Variants in GALNT13 observed in about 807,000 individuals in gnomAD.
GALNT13 encodes the protein polypeptide N-acetylgalactosaminyltransferase 13, also known as UDP-GalNAc:polypeptide N-acetylgalactosaminyltransferase 13.
GALNT13 carries 28 observed loss-of-function variants against 64.2 expected under a neutral mutation model. The observed-to-expected ratio is 0.44, with a 90% CI of 0.32 to 0.60. The LOEUF is 0.60. Ranked by LOEUF, GALNT13 falls within the 20% of genes least tolerant of loss-of-function variation. The pLI, the probability that GALNT13 is intolerant of heterozygous loss-of-function variation, is 0.05. For synonymous variants in GALNT13, 214 were observed against 224.6 expected, an observed-to-expected ratio of 0.95 and a Z score of 0.42; for missense variants, 577 against 669.8, an observed-to-expected ratio of 0.86 and a Z score of 1.53.
At chr2:153,718,229 G>A in the GALNT13 span, among the ~76,000 whole-genome samples, 2,741 of 152,022 alleles carry the variant, frequency 0.018, 45 homozygotes, top group Non-Finnish European at 0.029. Flanking sequence ...TAAGAGAGAC[G>A]AAACTGTTTG....
In GALNT13 at chr2:154,242,144, C is replaced by T; in HGVS notation, c.426C>T (p.Ser142=). 3.7e-6 allele frequency: 6 copies of T among 1,612,716 alleles called. No individual in the cohort carries two copies. In the South Asian group the frequency reaches 6.6e-5, roughly 18 times the overall value. Residue 142 remains serine (S), a synonymous_variant, in exon 5 of 13, where the codon TCC becomes TCT. Transcript: ENST00000392825. ...CTGTTTACAGTGTGATAAATCGTTC[C>T]CCACACTATCTACTCTCAGAGGTCA... ...LRTVYSVINR[S]PHYLLSEVIL...
intron 3 of GALNT13, among the ~76,000 whole-genome samples, chr2:154,035,824 A>G (rs1282431027): frequency 2.0e-5 from 3 of 152,022 alleles, no homozygotes; most frequent in Non-Finnish European, 4.4e-5. Flanking sequence ...GGGTTGTAGC[A>G]TTGTTATATT....
intron 8 of GALNT13, chr2:154,287,439 CT>C: frequency 4.8e-6 from 2 of 420,738 alleles, no homozygotes; most frequent in South Asian, 2.2e-5. Context: ...CCCACCCTGC[CT>C]TCACCTCTGA....
the GALNT13 span, among the ~76,000 whole-genome samples, chr2:153,729,755 G>A: frequency 6.6e-6 from 1 of 152,098 alleles, no homozygotes; most frequent in African/African-American, 2.4e-5. Flanking sequence ...AAGATAACTA[G>A]ATGTGATAAA....
chr2:153,566,695 A>T, the GALNT13 span, among the ~76,000 whole-genome samples: 3 of 152,146 alleles, frequency 2.0e-5, no homozygotes, highest in Admixed American at 6.5e-5. Context: ...AGGTTAAGTC[A>T]CTCATTCAAA....
At chr2:153,821,018 G>A in the GALNT13 span, among the ~76,000 whole-genome samples, 1 of 148,028 alleles carries the variant, frequency 6.8e-6, no homozygotes, top group African/African-American at 2.5e-5. Flanking sequence ...GTTGGAGAAA[G>A]ATATATCATG....
intron 3 of GALNT13, among the ~76,000 whole-genome samples, chr2:153,996,645 CTGTT>C (rs1195949495): frequency 1.3e-5 from 2 of 152,026 alleles, no homozygotes; most frequent in African/African-American, 4.8e-5. Flanking sequence ...AGTATGTTGA[CTGTT>C]TGCTTTGCAG....
the GALNT13 span, among the ~76,000 whole-genome samples, chr2:153,296,774 A>G: frequency 6.6e-6 from 1 of 152,090 alleles, no homozygotes; most frequent in South Asian, 2.1e-4. Context: ...TTGTAAAAAT[A>G]CTGAGCAAAA....
At chr2:153,250,468 T>G in the GALNT13 span, among the ~76,000 whole-genome samples, 1 of 152,230 alleles carries the variant, frequency 6.6e-6, no homozygotes, top group Non-Finnish European at 1.5e-5. Context: ...TGGAAGACAG[T>G]ATGGTGATTC....
chr2:154,246,011 T>G (rs1334143856), intron 7 of GALNT13, 29 bp downstream of exon 7: 9 of 1,484,890 alleles, frequency 6.1e-6, no homozygotes, highest in Non-Finnish European at 7.4e-6. Context: ...TTGAAGATTA[T>G]GTATATCCCC....
chr2:153,464,776 C>T, the GALNT13 span, among the ~76,000 whole-genome samples: 1 of 151,982 alleles, frequency 6.6e-6, no homozygotes, highest in African/African-American at 2.4e-5. Flanking sequence ...CTTAGGATTC[C>T]ATGGTCTTGT....
At chr2:154,151,628 T>C (rs1467732920) in intron 4 of GALNT13, among the ~76,000 whole-genome samples, 7 of 152,220 alleles carry the variant, frequency 4.6e-5, no homozygotes, top group African/African-American at 1.4e-4. Flanking sequence ...ATTGGGTGCA[T>C]ATATATTTAG....
chr2:153,387,854 A>T, the GALNT13 span, among the ~76,000 whole-genome samples: 1 of 152,130 alleles, frequency 6.6e-6, no homozygotes, highest in African/African-American at 2.4e-5. Flanking sequence ...TCATGTGTTG[A>T]TAGCAGTGTC....
At chr2:153,137,589 A>G in the GALNT13 span, among the ~76,000 whole-genome samples, 1 of 152,088 alleles carries the variant, frequency 6.6e-6, no homozygotes, top group Non-Finnish European at 1.5e-5. Flanking sequence ...AGCCTATTGT[A>G]CCTGGATAAA....
At chr2:153,141,316 T>G in the GALNT13 span, among the ~76,000 whole-genome samples, 1 of 152,022 alleles carries the variant, frequency 6.6e-6, no homozygotes, top group African/African-American at 2.4e-5. Context: ...CAGCCACCAC[T>G]GGCCTTCTCA....
intron 4 of GALNT13, among the ~76,000 whole-genome samples, chr2:154,153,090 G>A (rs915232025): frequency 1.3e-5 from 2 of 152,172 alleles, no homozygotes; most frequent in South Asian, 4.1e-4. Context: ...TGATGATGGT[G>A]ACGTACAGAT....
intron 3 of GALNT13, among the ~76,000 whole-genome samples, chr2:154,031,527 G>C (rs528524864): frequency 1.3e-5 from 2 of 151,868 alleles, no homozygotes; most frequent in African/African-American, 4.8e-5. Flanking sequence ...CACTTAATGT[G>C]TATGGATATA....
the GALNT13 span, among the ~76,000 whole-genome samples, chr2:153,760,457 A>T: frequency 6.6e-6 from 1 of 151,906 alleles, no homozygotes; most frequent in African/African-American, 2.4e-5. Flanking sequence ...GTTTGTCTTA[A>T]GTTTTTAAAA....
chr2:153,792,973 T>TC, the GALNT13 span, among the ~76,000 whole-genome samples: 134 of 121,830 alleles, frequency 1.1e-3, no homozygotes, highest in South Asian at 4.3e-3. Flanking sequence ...TTTCTTTCTT[T>TC]TTTTTTTTTT....
Sources: allele counts gnomAD v4.1 joint callset (sites outside exome capture counted in the v4.1 genomes callset), GRCh38; gene constraint gnomAD v4.1.1; transcripts MANE v1.5; gene names NCBI Gene and HGNC (gene_info 2026-07-23, HGNC 2026-07-21).